CNTFR: variants seen among roughly 807,000 people sequenced by gnomAD.
The protein encoded by CNTFR is ciliary neurotrophic factor receptor subunit alpha.
In CNTFR, 12 loss-of-function variants were observed where a neutral mutation model predicts 40.4. That is an observed-to-expected ratio of 0.30 (90% CI 0.19 to 0.48). The LOEUF (loss-of-function observed/expected upper bound fraction) is 0.48. CNTFR is among the 20% of genes least tolerant of loss of function. The pLI is 0.99. For synonymous variants in CNTFR, 202 were observed against 209.6 expected (o/e 0.96, Z 0.31); for missense variants, 414 against 506.8 (o/e 0.82, Z 1.76).
intron 1 of CNTFR, among the ~76,000 whole-genome samples, chr9:34,587,968 T>C (rs765611375): frequency 2.0e-5 from 3 of 152,108 alleles, no homozygotes; most frequent in Non-Finnish European, 4.4e-5. Context: ...AACGTAAGTG[T>C]CAGTCCATAT....
intron 1 of CNTFR, among the ~76,000 whole-genome samples, chr9:34,588,979 T>C (rs1407944948): frequency 1.3e-5 from 2 of 152,022 alleles, no homozygotes; most frequent in African/African-American, 2.4e-5. Flanking sequence ...AGAGACACAC[T>C]GGAGGAGACC....
At chr9:34,559,132 A>AG (rs1275828862) in intron 4 of CNTFR, among the ~76,000 whole-genome samples, 1 of 151,854 alleles carries the variant, frequency 6.6e-6, no homozygotes, top group South Asian at 2.1e-4. Context: ...AGGAAATGGG[A>AG]GGGGGGCAGC....
intron 1 of CNTFR, among the ~76,000 whole-genome samples, chr9:34,584,419 CTCTGTCTCTA>C (rs2132264426): frequency 6.6e-6 from 1 of 152,364 alleles, no homozygotes; most frequent in East Asian, 1.9e-4. Context: ...GTTTCTTCCT[CTCTGTCTCTA>C]TCTGACCAAG....
At chr9:34,571,319 GCCATCTGT>G (rs1826622578) in intron 2 of CNTFR, 1 of 152,462 alleles carries the variant, frequency 6.6e-6, no homozygotes, top group South Asian at 2.1e-4. Context: ...CACTGCCTCT[GCCATCTGT>G]CCATGTCTTT....
chr9:34,562,014 T>C (rs1356820421), intron 4 of CNTFR, among the ~76,000 whole-genome samples: 1 of 152,148 alleles, frequency 6.6e-6, no homozygotes, highest in African/African-American at 2.4e-5. Flanking sequence ...CCCGTGGGTA[T>C]AGACTATGGA....
intron 1 of CNTFR, among the ~76,000 whole-genome samples, chr9:34,587,082 C>T (rs1827577707): frequency 6.6e-6 from 1 of 152,120 alleles, no homozygotes; most frequent in African/African-American, 2.4e-5. Context: ...GATGCAAGTA[C>T]GGGTTTGAGT....
At chr9:34,590,166 G>GCGCGCACA (rs1554703245), upstream of CNTFR, 4 of 150,538 alleles carry the variant, frequency 2.7e-5, no homozygotes, top group African/African-American at 9.8e-5. Context: ...ACGCGCGCGC[G>GCGCGCACA]CACACACACA....
At chr9:34,569,132 C>A (rs1270707816) in intron 2 of CNTFR, 151 bp from the exon 3 acceptor site, 25 of 676,956 alleles carry the variant, frequency 3.7e-5, no homozygotes, top group Non-Finnish European at 6.2e-5. Context: ...CCCAACCCGA[C>A]TGACACGGAG....
At chr9:34,565,094 T>A (rs1041973422) in intron 3 of CNTFR, among the ~76,000 whole-genome samples, 8 of 152,074 alleles carry the variant, frequency 5.3e-5, no homozygotes, top group Non-Finnish European at 1.5e-5. Context: ...ATCTTCTGTG[T>A]GTGTGTGTTT....
chr9:34,552,020 G>A lies in CNTFR; in HGVS notation c.*51C>T, dbSNP rs41274855. 22 of 1,057,036 alleles carry A rather than the reference G, an allele frequency of 2.1e-5. No homozygotes were observed. The East Asian group carries it at 4.4e-4, about 21-fold the overall frequency. The allele number at this position is 1,057,036 out of a possible 1,614,324, so 65.5% of individuals were successfully genotyped here. On this transcript the variant is annotated 3_prime_UTR_variant, in exon 10 of 10. Transcript: ENST00000378980. The surrounding 1 kb of genome is among the most constrained non-coding windows in gnomAD (Gnocchi z 5.1). The stretch of plus-strand genomic sequence containing the variant: ...AACCGGGGTCTGCAGGCTCAGCTCC[G>A]GCCTCCTGCTCCTCTGCAGGTGCTC...
At chr9:34,584,323 T>G (rs1827453116) in intron 1 of CNTFR, among the ~76,000 whole-genome samples, 1 of 152,112 alleles carries the variant, frequency 6.6e-6, no homozygotes, top group Non-Finnish European at 1.5e-5. Context: ...AAACAAAGGC[T>G]CTCTTTCTTG....
Position 34,568,948 on chromosome 9 carries a change from C to T in CNTFR, c.34G>A (p.Val12Met), listed in dbSNP as rs1826443332. 1.2e-6 allele frequency: 2 copies of T among 1,601,390 alleles called. No homozygotes were observed. The highest frequency in any genetic ancestry group is 8.5e-7 in the Non-Finnish European group (1 of 1,174,510). Residue 12 changes from valine (V) to methionine (M), a missense_variant, in exon 3 of 10, where the codon GTG (valine) becomes ATG (methionine). By Grantham distance (21) the Val-to-Met change is conservative (BLOSUM62 1). Around this residue, in one of 3 missense-constraint regions of CNTFR, gnomAD observed 250 missense variants for 269.5 expected, o/e 0.93. Coordinates refer to ENST00000378980, the MANE Select transcript of CNTFR (RefSeq NM_147164.3). ...ACAACTGCGGCGGCGGCGGCAAGCA[C>T]AGCACAGCAGGCCCACGGGACAGGA... is the stretch of plus-strand genomic sequence containing the variant. ...AAPVPWACCA[V>M]LAAAAAVVYA... is the part of the protein sequence containing the mutation.
rs1415451300 is a variant in CNTFR, at chr9:34,552,288, T to C, written c.991A>G (p.Thr331Ala). The C allele has an allele frequency of 6.5e-7, 1 of 1,545,014 alleles. No homozygotes were observed. The highest frequency in any genetic ancestry group is 8.7e-7 in the Non-Finnish European group (1 of 1,147,846). Residue 331 changes from threonine (T) to alanine (A), a missense_variant, in exon 9 of 10, where the codon ACC (threonine) becomes GCC (alanine). Physicochemically the swap from Thr to Ala is moderately conservative, Grantham distance 58. Around this residue, in one of 3 missense-constraint regions of CNTFR, gnomAD observed 81 missense variants for 92.2 expected, o/e 0.88. Transcript: ENST00000378980. This position sits in a 1 kb window ranked among gnomAD's most constrained non-coding sequence, Gnocchi z 5.1. Reference protein sequence around the residue: ...STTSSLAPPPTTKICDPGELG... With the variant: ...STTSSLAPPPATKICDPGELG... The stretch of plus-strand genomic sequence containing the variant: ...TCCCCAGGGTCACAGATCTTCGTGG[T>C]AGGTGGGGGTGCCAGGGAGCTGGTG...
At chr9:34,577,427 G>T (rs1182592465) in intron 2 of CNTFR, among the ~76,000 whole-genome samples, 2 of 152,218 alleles carry the variant, frequency 1.3e-5, no homozygotes. Context: ...CAGGGTGTAA[G>T]GAAACCAGGT....
chr9:34,579,594 T>C (rs1325049844), intron 2 of CNTFR, among the ~76,000 whole-genome samples: 2 of 148,302 alleles, frequency 1.3e-5, no homozygotes, highest in East Asian at 4.0e-4. Context: ...GAGAGGGTGA[T>C]GGAGAGAGAG....
At chr9:34,559,748 C>T (rs1825993180) in intron 4 of CNTFR, among the ~76,000 whole-genome samples, 1 of 152,054 alleles carries the variant, frequency 6.6e-6, no homozygotes, top group African/African-American at 2.4e-5. Flanking sequence ...CTCCCCGCTC[C>T]TGCCACCGCT....
At chr9:34,578,256 G>C (rs1434226508) in intron 2 of CNTFR, among the ~76,000 whole-genome samples, 2 of 152,236 alleles carry the variant, frequency 1.3e-5, no homozygotes, top group Admixed American at 6.5e-5. Context: ...GGAGGAAGGA[G>C]CGCGCTGCAA....
At chr9:34,565,686 C>A (rs560363738) in intron 3 of CNTFR, among the ~76,000 whole-genome samples, 3 of 152,166 alleles carry the variant, frequency 2.0e-5, no homozygotes, top group African/African-American at 7.2e-5. Flanking sequence ...GCAACCCAGG[C>A]GTGATGGACA....
intron 4 of CNTFR, among the ~76,000 whole-genome samples, chr9:34,563,143 C>A (rs558428813): frequency 6.6e-6 from 1 of 152,216 alleles, no homozygotes; most frequent in Non-Finnish European, 1.5e-5. Context: ...CATCAACTCC[C>A]GGTTGTCCTC....
Sources: allele counts gnomAD v4.1 joint callset (sites outside exome capture counted in the v4.1 genomes callset), GRCh38; gene constraint gnomAD v4.1.1; regional missense constraint gnomAD v4.1.1; non-coding constraint Gnocchi (gnomAD v3.1); transcripts MANE v1.5; gene names NCBI Gene and HGNC (gene_info 2026-07-23, HGNC 2026-07-21).